The following HEATR4 variants were observed in gnomAD, a reference collection of about 807,000 sequenced individuals.
HEATR4 encodes HEAT repeat-containing protein 4.
HEATR4 carries 95 observed loss-of-function variants against 108.8 expected under a neutral mutation model. That is an observed-to-expected ratio of 0.87 (90% CI 0.74 to 1.04). The LOEUF is 1.04. Among genes scored for constraint, HEATR4 ranks in the 50% least tolerant of loss-of-function variants. The pLI, the probability that HEATR4 is intolerant of heterozygous loss-of-function variation, is 0.00. For synonymous variants in HEATR4, 443 were observed against 459.4 expected (o/e 0.96, Z 0.46); for missense variants, 1,152 against 1,253.8 (o/e 0.92, Z 1.23).
At chr14:73,500,502 C>T (rs1213252823) in intron 12 of HEATR4, 48 bp downstream of exon 12, 11 of 1,567,174 alleles carry the variant, frequency 7.0e-6, no homozygotes, top group South Asian at 1.2e-5. Flanking sequence ...AAGGTAATGC[C>T]CTCTTCAGGT....
chr14:73,576,779 G>A, the HEATR4 span, among the ~76,000 whole-genome samples: 1 of 41,474 alleles, frequency 2.4e-5, no homozygotes, highest in Non-Finnish European at 4.7e-5. Flanking sequence ...CTGGGCAACA[G>A]CAAGACACAG....
intron 17 of HEATR4, among the ~76,000 whole-genome samples, chr14:73,483,053 C>G (rs756580441): frequency 6.6e-6 from 1 of 152,154 alleles, no homozygotes; most frequent in Non-Finnish European, 1.5e-5. Flanking sequence ...GCAAGAGAAC[C>G]AAATGTATAG....
intron 12 of HEATR4, among the ~76,000 whole-genome samples, chr14:73,500,279 C>CTTT (rs751356844): frequency 7.1e-6 from 1 of 139,932 alleles, no homozygotes; most frequent in Admixed American, 7.2e-5. Flanking sequence ...ATGCACGGAC[C>CTTT]TTTTTTTTTT....
chr14:73,560,140 A>G (rs1889496416), upstream of HEATR4, among the ~76,000 whole-genome samples: 2 of 152,160 alleles, frequency 1.3e-5, no homozygotes, highest in Admixed American at 1.3e-4. Context: ...TCTGATCTTC[A>G]AGAGTCCCTT....
At chr14:73,500,488 A>G (rs1886383326) in intron 12 of HEATR4, 62 bp downstream of exon 12, 1 of 1,507,598 alleles carries the variant, frequency 6.6e-7, no homozygotes, top group Non-Finnish European at 9.1e-7. Flanking sequence ...GTGCACAACC[A>G]GGGAAGGTAA....
At chr14:73,569,311 C>T in the HEATR4 span, 1 of 1,613,970 alleles carries the variant, frequency 6.2e-7, no homozygotes, top group Non-Finnish European at 8.5e-7. Context: ...ATGGCCTCAT[C>T]TCCTGCTGTC....
At chr14:73,573,603 T>C in the HEATR4 span, 30 of 1,613,402 alleles carry the variant, frequency 1.9e-5, no homozygotes, top group Middle Eastern at 1.6e-4. Flanking sequence ...TAGTTCTTCT[T>C]TCAGATTTAT....
At chr14:73,497,043 G>A (rs1186599256) in intron 14 of HEATR4, among the ~76,000 whole-genome samples, 2 of 152,148 alleles carry the variant, frequency 1.3e-5, no homozygotes, top group Non-Finnish European at 2.9e-5. Context: ...CTACAGGCGC[G>A]TGCCATCATG....
chr14:73,511,512 C>T (rs1887250609), intron 7 of HEATR4, among the ~76,000 whole-genome samples: 1 of 147,544 alleles, frequency 6.8e-6, no homozygotes, highest in African/African-American at 2.5e-5. Flanking sequence ...GAGCAAGACT[C>T]TGTCTCAAAA....
At chr14:73,491,891 G>C in intron 17 of HEATR4, 1 of 1,611,708 alleles carries the variant, frequency 6.2e-7, no homozygotes, top group Non-Finnish European at 8.5e-7. Flanking sequence ...CCTGTACCAG[G>C]CCGGCTGCTC....
the HEATR4 span, among the ~76,000 whole-genome samples, chr14:73,618,641 T>C: frequency 2.0e-5 from 3 of 152,136 alleles, no homozygotes; most frequent in Non-Finnish European, 4.4e-5. Context: ...TATACTGTAT[T>C]TAACAGTTTG....
At chr14:73,513,790 T>C in intron 6 of HEATR4, among the ~76,000 whole-genome samples, 1 of 105,654 alleles carries the variant, frequency 9.5e-6, no homozygotes, top group East Asian at 3.0e-4. Flanking sequence ...TGCAGTGTAA[T>C]AATGAGTTTC....
chr14:73,480,170 G>A (rs112704866), intron 17 of HEATR4, among the ~76,000 whole-genome samples: 2,160 of 152,182 alleles, frequency 0.014, 56 homozygotes, highest in African/African-American at 0.049. Context: ...GGCTGGGCAC[G>A]GTGGCTCACA....
chr14:73,505,782 C>T (rs1886770286), intron 10 of HEATR4, among the ~76,000 whole-genome samples: 1 of 151,712 alleles, frequency 6.6e-6, no homozygotes, highest in Non-Finnish European at 1.5e-5. Context: ...TAAGTCAGTG[C>T]TTCTCGAATG....
rs1885828077 is a variant in HEATR4, at chr14:73,492,388, C to T, written c.2844+678G>A. On this transcript the variant is annotated intron_variant, in intron 17 of 17. Coordinates refer to ENST00000553558, the MANE Select transcript of HEATR4 (RefSeq NM_001220484.1). This position sits in a 1 kb window ranked among gnomAD's most constrained non-coding sequence, Gnocchi z 4.9. ...AGTTTCGGAGGGGTCTGCCCCGAGA[C>T]TTCATGGATTACATGGGGGCCCAGC... 1.2e-6 allele frequency: 2 copies of T among 1,613,886 alleles called. No individual in the cohort carries two copies. Among genetic ancestry groups the T allele is most frequent in the Non-Finnish European group, 1.7e-6 (2 of 1,179,798 alleles).
chr14:73,540,742 C>CTTTTTT (rs200357086), intron 1 of HEATR4, among the ~76,000 whole-genome samples: 1 of 81,220 alleles, frequency 1.2e-5, no homozygotes, highest in African/African-American at 3.9e-5. Flanking sequence ...TGTTTGCATT[C>CTTTTTT]TTTTTTTTTT....
chr14:73,526,577 A>C (rs1888352037), intron 2 of HEATR4, among the ~76,000 whole-genome samples: 1 of 152,134 alleles, frequency 6.6e-6, no homozygotes, highest in South Asian at 2.1e-4. Context: ...GACAAAGTCC[A>C]GAAGACTTTG....
At position 73,478,814 on chromosome 14, in the gene HEATR4, C is replaced by G; in HGVS notation, c.2873G>C (p.Trp958Ser). The change falls in exon 18 of 18, where the codon TGG becomes TCG. Residue 958 changes from tryptophan (W) to serine (S), a missense_variant. Coordinates refer to ENST00000553558, the MANE Select transcript of HEATR4 (RefSeq NM_001220484.1). The stretch of plus-strand genomic sequence containing the variant: ...TAGGCCTGGGACTGAACTTTGTAAC[C>G]AGGGATTTGGTGCGCGGGGCTTCAC... Reference protein sequence around the residue: ...KPVKPRAPNPWLQSSVPGLTT... With the variant: ...KPVKPRAPNPSLQSSVPGLTT... 3 of 1,609,928 alleles carry G rather than the reference C, an allele frequency of 1.9e-6. No individual in the cohort carries two copies. The highest frequency in any genetic ancestry group is 2.5e-6 in the Non-Finnish European group (3 of 1,177,912).
upstream of HEATR4, among the ~76,000 whole-genome samples, chr14:73,560,746 G>A (rs1216911540): frequency 6.6e-6 from 1 of 151,910 alleles, no homozygotes; most frequent in Non-Finnish European, 1.5e-5. Flanking sequence ...GAGCCCAGGA[G>A]TTTGAGGCTG....
Sources: allele counts gnomAD v4.1 joint callset (sites outside exome capture counted in the v4.1 genomes callset), GRCh38; gene constraint gnomAD v4.1.1; non-coding constraint Gnocchi (gnomAD v3.1); transcripts MANE v1.5; gene names NCBI Gene and HGNC (gene_info 2026-07-23, HGNC 2026-07-21).